The following COL6A1 variants were observed in gnomAD, a reference collection of about 807,000 sequenced individuals.
The protein encoded by COL6A1 is collagen alpha-1(VI) chain.
A neutral mutation model predicts 145.6 loss-of-function variants in COL6A1; 80 were observed. The observed-to-expected ratio is 0.55, with a 90% confidence interval of 0.46 to 0.66. The LOEUF (loss-of-function observed/expected upper bound fraction) is 0.66, where lower values mean the gene tolerates loss of function less well. Ranked by LOEUF, COL6A1 falls within the 30% of genes least tolerant of loss-of-function variation. COL6A1 has a pLI of 0.00. For synonymous variants in COL6A1, 638 were observed against 622.8 expected, an observed-to-expected ratio of 1.02 and a Z score of -0.36; for missense variants, 1,364 against 1,473.8, an observed-to-expected ratio of 0.93 and a Z score of 1.22.
intron 8 of COL6A1, 138 bp downstream of exon 8, chr21:45,987,792 G>GAT (rs2077748964): frequency 2.0e-6 from 1 of 498,654 alleles, no homozygotes; most frequent in Non-Finnish European, 3.2e-6. Flanking sequence ...GGGACGGCGG[G>GAT]GGTCCAGATG....
At chr21:45,990,209 GCCCTC>G in intron 11 of COL6A1, 44 bp from the exon 12 acceptor site, 2 of 1,600,408 alleles carry the variant, frequency 1.2e-6, no homozygotes, top group African/African-American at 1.3e-5. Context: ...GGCTTGCCCT[GCCCTC>G]CCCACCCCAA....
rs930218416 is a variant in COL6A1, at chr21:45,990,125, C to T, written c.931-133C>T. 1.4e-5 allele frequency: 16 copies of T among 1,178,050 alleles called. No individual in the cohort carries two copies. In the African/African-American group the frequency reaches 2.1e-4, roughly 16 times the overall value. The allele number at this position is 1,178,050 out of a possible 1,614,324, so 73.0% of individuals were successfully genotyped here. Reference sequence around the variant, plus strand: ...GCCCCTCCCCATCACTGTCAGTCCCCATGATTCTCAGCAGTGATGTTGTCC... The same window carrying T: ...GCCCCTCCCCATCACTGTCAGTCCCTATGATTCTCAGCAGTGATGTTGTCC... On this transcript the variant is annotated intron_variant, in intron 11 of 34. Transcript: ENST00000361866.
chr21:46,004,768 G>A lies in COL6A1; in HGVS notation c.*755G>A, dbSNP rs1044410375. 10 of 425,670 alleles carry A rather than the reference G, an allele frequency of 2.3e-5. No homozygotes were observed. Among genetic ancestry groups the A allele is most frequent in the African/African-American group, 1.0e-4 (5 of 49,074 alleles). The allele number at this position is 425,670 out of a possible 1,614,324, so 26.4% of individuals were successfully genotyped here. On this transcript the variant is annotated 3_prime_UTR_variant, in exon 35 of 35. Transcript: ENST00000361866. ...GACCTCAGAGAGTACTCGCAGGGGC[G>A]CTGGCTGCACTCAAGACCCTCGAGA... is the stretch of plus-strand genomic sequence containing the variant.
At chr21:45,990,678 G>T in intron 13 of COL6A1, 95 bp from the exon 14 acceptor site, 8 of 1,126,144 alleles carry the variant, frequency 7.1e-6, no homozygotes, top group South Asian at 1.2e-5. Flanking sequence ...TCCAGGGAGG[G>T]TGTGGAGGGC....
rs1603595357 is a variant in COL6A1 at position 46,004,362 on chromosome 21, T to A, written c.*349T>A. The A allele has an allele frequency of 5.8e-6, 2 of 343,992 alleles. No homozygotes were observed. The highest frequency in any genetic ancestry group is 9.4e-5 in the Admixed American group (2 of 21,270). 21.3% of individuals were successfully genotyped at this position (343,992 alleles called of 1,614,324 possible). On this transcript the variant is annotated 3_prime_UTR_variant, in exon 35 of 35. Coordinates refer to ENST00000361866, the MANE Select transcript of COL6A1 (RefSeq NM_001848.3). Reference sequence around the variant, plus strand: ...CACCTGGGTTCCCCACCCCGGGCTCTCCTGCCCTGCCCTCCTGCCCGCCCT... The same window carrying A: ...CACCTGGGTTCCCCACCCCGGGCTCACCTGCCCTGCCCTCCTGCCCGCCCT...
chr21:45,992,253 GCATGGCCT>G, intron 17 of COL6A1, 36 bp downstream of exon 17: 1 of 1,613,586 alleles, frequency 6.2e-7, no homozygotes, highest in South Asian at 1.1e-5. Context: ...CTGGGGAAGT[GCATGGCCT>G]CAGCTTCTGA....
intron 24 of COL6A1, 120 bp from the exon 25 acceptor site, chr21:45,998,777 G>A: frequency 1.6e-6 from 2 of 1,232,188 alleles, no homozygotes; most frequent in South Asian, 1.3e-5. Context: ...GGAAATGTGT[G>A]TGGTGGGGGA....
Position 46,004,874 on chromosome 21 carries a change from A to G in COL6A1, c.*861A>G, listed in dbSNP as rs1377286660. ...GGACATGAGAGCCCCTTGGTGCCAC[A>G]GAGGGCTGTGTCTTACTAGAAACAA... On this transcript the variant is annotated 3_prime_UTR_variant, in exon 35 of 35. Coordinates refer to ENST00000361866, the MANE Select transcript of COL6A1 (RefSeq NM_001848.3). 2 of 181,710 alleles carry G rather than the reference A, an allele frequency of 1.1e-5. No individual in the cohort carries two copies. The highest frequency in any genetic ancestry group is 4.7e-5 in the African/African-American group (2 of 42,308). 11.3% of individuals were successfully genotyped at this position (181,710 alleles called of 1,614,324 possible).
chr21:45,999,731 T>C (rs1234257326), intron 27 of COL6A1, 39 bp downstream of exon 27: 2 of 1,562,978 alleles, frequency 1.3e-6, no homozygotes, highest in Non-Finnish European at 1.7e-6. Flanking sequence ...GGGCGACCAC[T>C]GTAGCTTCCA....
intron 14 of COL6A1, 45 bp downstream of exon 14, chr21:45,990,871 G>C: frequency 6.2e-7 from 1 of 1,610,694 alleles, no homozygotes; most frequent in Non-Finnish European, 8.5e-7. Flanking sequence ...AGCGCTGTCA[G>C]CAGCACCTCG....
chr21:45,994,950 A>G lies in COL6A1; in HGVS notation c.1398+721A>G, dbSNP rs1603592374. 6.6e-6 allele frequency among the ~76,000 whole-genome samples: 1 copy of G among 152,346 alleles called. No individual in the cohort carries two copies. Among genetic ancestry groups the G allele is most frequent in the Admixed American group, 6.5e-5 (1 of 15,306 alleles). Reference sequence around the variant, plus strand: ...GTGGACAAATCGACCTTACGGCTCCATGTGCGCAGCTGCCCACACACCGAG... The same window carrying G: ...GTGGACAAATCGACCTTACGGCTCCGTGTGCGCAGCTGCCCACACACCGAG... On this transcript the variant is annotated intron_variant, in intron 20 of 34. Coordinates refer to ENST00000361866, the MANE Select transcript of COL6A1 (RefSeq NM_001848.3). The surrounding 1 kb of genome is among the most constrained non-coding windows in gnomAD (Gnocchi z 6.8).
chr21:46,003,089 G>A (rs1158870860), intron 33 of COL6A1, 31 bp from the exon 34 acceptor site: 32 of 1,613,946 alleles, frequency 2.0e-5, no homozygotes, highest in Non-Finnish European at 2.6e-5. Context: ...GGAGCAGTGG[G>A]CTCACACTGC....
In COL6A1 at chr21:46,002,607, G is replaced by A. The variant is rs1176781329; in HGVS notation, c.2331G>A (p.Leu777=). ...DQLNVISCQG[L]APSQGRPGLS... ...TCAATGTCATTTCTTGCCAAGGCCTGGCACCATCCCAGGGCCGGCCCGGCC... is the reference window on the plus strand; with the variant it reads ...TCAATGTCATTTCTTGCCAAGGCCTAGCACCATCCCAGGGCCGGCCCGGCC... Residue 777 remains leucine (L), a synonymous_variant, in exon 33 of 35, where the codon CTG becomes CTA. Transcript: ENST00000361866. 8 of 1,614,116 alleles carry A rather than the reference G, an allele frequency of 5.0e-6. No individual in the cohort carries two copies. The highest frequency in any genetic ancestry group is 6.8e-6 in the Non-Finnish European group (8 of 1,180,004).
At chr21:45,998,487 C>T (rs754459994) in intron 24 of COL6A1, 54 bp downstream of exon 24, 1 of 1,609,646 alleles carries the variant, frequency 6.2e-7, no homozygotes, top group African/African-American at 1.3e-5. Flanking sequence ...TTCACAGTCA[C>T]AGGGACACGC....
chr21:46,001,219 G>A (rs2077842819), intron 29 of COL6A1, 34 bp from the exon 30 acceptor site: 1 of 1,592,970 alleles, frequency 6.3e-7, no homozygotes, highest in Non-Finnish European at 8.5e-7. Flanking sequence ...TGGAGGGGAG[G>A]GGCGTGCTCT....
intron 15 of COL6A1, among the ~76,000 whole-genome samples, chr21:45,991,429 G>T (rs2077776599): frequency 6.6e-6 from 1 of 152,100 alleles, no homozygotes; most frequent in South Asian, 2.1e-4. Flanking sequence ...GTGGGCGGGA[G>T]GGTGGTGAGC....
At position 45,982,766 on chromosome 21, in the gene COL6A1, A is replaced by T. The variant is rs1399531928; in HGVS notation, c.227+3A>T. On this transcript the variant is annotated splice_donor_region_variant and intron_variant, in intron 2 of 34. Transcript: ENST00000361866. ...TTCATCGACAACCTGAGGGACAGGT[A>T]GGAGGGACGCCCCGTGACCTTCCTC... The T allele has an allele frequency of 6.2e-7, 1 of 1,611,970 alleles. No individual in the cohort carries two copies.
At chr21:45,999,587 G>A in intron 26 of COL6A1, 70 bp from the exon 27 acceptor site, 13 of 1,544,788 alleles carry the variant, frequency 8.4e-6, no homozygotes, top group Non-Finnish European at 1.1e-5. Flanking sequence ...TGGGGGTGGG[G>A]GCTGTCTCAG....
chr21:45,987,732 C>G, intron 8 of COL6A1, 78 bp downstream of exon 8: 1 of 1,493,728 alleles, frequency 6.7e-7, no homozygotes, highest in Non-Finnish European at 9.0e-7. Flanking sequence ...CTCCTGGGCA[C>G]CCAAGTCCAC....
Sources: allele counts gnomAD v4.1 joint callset (sites outside exome capture counted in the v4.1 genomes callset), GRCh38; gene constraint gnomAD v4.1.1; non-coding constraint Gnocchi (gnomAD v3.1); transcripts MANE v1.5; gene names NCBI Gene and HGNC (gene_info 2026-07-23, HGNC 2026-07-21).